The following RANBP2 variants were observed in gnomAD, a reference collection of about 807,000 sequenced individuals.
RANBP2 encodes the protein E3 SUMO-protein ligase RanBP2.
Under a neutral mutation model 303.6 loss-of-function variants are expected in RANBP2, and 57 were observed. That is an observed-to-expected ratio of 0.19 (90% CI 0.15 to 0.23). The LOEUF is 0.23. Ranked by LOEUF, RANBP2 falls within the 10% of genes least tolerant of loss-of-function variation. RANBP2 has a pLI of 1.00. For missense variants in RANBP2, 3,138 were observed against 3,780.8 expected, an observed-to-expected ratio of 0.83 and a Z score of 4.46; for synonymous variants, 1,167 against 1,301.5, an observed-to-expected ratio of 0.90 and a Z score of 2.23.
At chr2:109,445,373 A>G in the RANBP2 span, among the ~76,000 whole-genome samples, 1 of 152,258 alleles carries the variant, frequency 6.6e-6, no homozygotes, top group African/African-American at 2.4e-5. Flanking sequence ...ATCCAAGCCT[A>G]AACATGCTGA....
chr2:109,245,890 A>G, the RANBP2 span, among the ~76,000 whole-genome samples: 1 of 152,204 alleles, frequency 6.6e-6, no homozygotes, highest in Non-Finnish European at 1.5e-5. Flanking sequence ...AGTACTTAAC[A>G]CAATCCCGGG....
the RANBP2 span, among the ~76,000 whole-genome samples, chr2:109,607,137 G>A: frequency 6.6e-6 from 1 of 152,118 alleles, no homozygotes; most frequent in Admixed American, 6.6e-5. Context: ...TTTGTAAAAA[G>A]CTTTCATTCT....
chr2:109,465,764 A>G, the RANBP2 span, among the ~76,000 whole-genome samples: 2 of 152,184 alleles, frequency 1.3e-5, no homozygotes, highest in Non-Finnish European at 2.9e-5. Context: ...AGAGTCTCAC[A>G]TGGCAGGAGC....
chr2:109,058,700 G>T, the RANBP2 span, among the ~76,000 whole-genome samples: 1 of 152,204 alleles, frequency 6.6e-6, no homozygotes, highest in Admixed American at 6.5e-5. Context: ...TTTATAGACT[G>T]GGAATTATGA....
the RANBP2 span, among the ~76,000 whole-genome samples, chr2:109,394,179 T>C: frequency 2.6e-5 from 4 of 152,258 alleles, no homozygotes; most frequent in Non-Finnish European, 4.4e-5. Flanking sequence ...TAGACAGTTC[T>C]GTGGTTGGAA....
the RANBP2 span, among the ~76,000 whole-genome samples, chr2:109,402,411 G>A: frequency 2.0e-5 from 3 of 152,252 alleles, no homozygotes; most frequent in Non-Finnish European, 4.4e-5. Flanking sequence ...TTTGATCATC[G>A]GCTTGGAGAA....
At chr2:109,551,390 T>C in the RANBP2 span, among the ~76,000 whole-genome samples, 1 of 152,360 alleles carries the variant, frequency 6.6e-6, no homozygotes, top group African/African-American at 2.4e-5. Flanking sequence ...TCATGCTATA[T>C]GAGAAACTCT....
At chr2:109,153,724 G>GCAAA in the RANBP2 span, among the ~76,000 whole-genome samples, 1 of 152,198 alleles carries the variant, frequency 6.6e-6, no homozygotes, top group Non-Finnish European at 1.5e-5. Flanking sequence ...TGTCTGCTGT[G>GCAAA]CGTTTTGTGC....
the RANBP2 span, chr2:109,502,384 G>A: frequency 1.3e-5 from 2 of 152,176 alleles, no homozygotes; most frequent in African/African-American, 4.8e-5. Flanking sequence ...GTCAGACATT[G>A]CCTATTTTTC....
At chr2:108,877,634 A>G in the RANBP2 span, among the ~76,000 whole-genome samples, 9 of 152,194 alleles carry the variant, frequency 5.9e-5, no homozygotes, top group Non-Finnish European at 1.2e-4. Context: ...GGCAGATACT[A>G]GGACAGAGCC....
rs745799715 is a variant in RANBP2 at position 108,766,335 on chromosome 2, T to A, written c.5796T>A (p.Asn1932Lys). Reference sequence around the variant, plus strand: ...CTCAGGATATTAGTGGCCAGAAGAATGGCCGTGGTGTGATTTTTGGCCAAA... The same window carrying A: ...CTCAGGATATTAGTGGCCAGAAGAAAGGCCGTGGTGTGATTTTTGGCCAAA... ...FQAQDISGQK[N>K]GRGVIFGQTS... is the part of the protein sequence containing the mutation. Residue 1932 changes from asparagine to lysine, a missense_variant, in exon 20 of 29, where the codon AAT (asparagine) becomes AAA (lysine). Transcript: ENST00000283195. 10 of 1,611,990 alleles carry A rather than the reference T, an allele frequency of 6.2e-6. No individual in the cohort carries two copies. Among genetic ancestry groups the A allele is most frequent in the Non-Finnish European group, 3.4e-6 (4 of 1,179,852 alleles).
the RANBP2 span, chr2:109,614,002 G>A: frequency 3.7e-5 from 44 of 1,200,680 alleles, no homozygotes; most frequent in Non-Finnish European, 4.4e-5. Context: ...CTCCGGGGGC[G>A]GGGTTGGGGC....
chr2:109,283,142 A>G, the RANBP2 span, among the ~76,000 whole-genome samples: 1 of 152,198 alleles, frequency 6.6e-6, no homozygotes, highest in Non-Finnish European at 1.5e-5. Context: ...AAAAATGCCC[A>G]GGGTACAGCC....
chr2:108,820,617 A>G, the RANBP2 span, among the ~76,000 whole-genome samples: 1 of 151,056 alleles, frequency 6.6e-6, no homozygotes, highest in Non-Finnish European at 1.5e-5. Flanking sequence ...GTCACGTTCA[A>G]GGGAGTTCTA....
At chr2:109,778,618 T>A in the RANBP2 span, among the ~76,000 whole-genome samples, 1 of 146,484 alleles carries the variant, frequency 6.8e-6, no homozygotes, top group Non-Finnish European at 1.5e-5. Flanking sequence ...CCACTGTCAT[T>A]CCAGCAAAAA....
At chr2:108,736,071 G>C (rs1442520795) in intron 5 of RANBP2, 33 bp from the exon 6 acceptor site, 9 of 1,611,642 alleles carry the variant, frequency 5.6e-6, no homozygotes, top group Non-Finnish European at 7.6e-6. Flanking sequence ...ATTTGATTAA[G>C]TTTTGTAACT....
At chr2:108,739,967 G>A (rs1428346736) in intron 6 of RANBP2, among the ~76,000 whole-genome samples, 1 of 151,230 alleles carries the variant, frequency 6.6e-6, no homozygotes, top group Non-Finnish European at 1.5e-5. Flanking sequence ...CAGCCCAGGC[G>A]ATAGTGAGAG....
the RANBP2 span, chr2:109,504,400 G>C: frequency 2.6e-5 from 4 of 152,214 alleles, no homozygotes; most frequent in South Asian, 2.1e-4. Context: ...TGGCGGCCAC[G>C]GGTGCTCTCC....
At chr2:109,546,184 C>G in the RANBP2 span, 1 of 1,606,244 alleles carries the variant, frequency 6.2e-7, no homozygotes, top group Non-Finnish European at 8.5e-7. Flanking sequence ...TTTCTTCAAG[C>G]TTCATTCTCT....
Sources: gnomAD v4.1 joint callset for allele counts (sites outside exome capture counted in the v4.1 genomes callset) on GRCh38, gnomAD v4.1.1 for gene constraint, MANE v1.5 for transcripts, NCBI Gene and HGNC (gene_info 2026-07-23, HGNC 2026-07-21) for gene names.